The following CDH2 variants were observed in gnomAD, a reference collection of about 807,000 sequenced individuals.
CDH2 encodes cadherin 2, also known as cadherin-2.
Under a neutral mutation model 92.0 loss-of-function variants are expected in CDH2, and 17 were observed. The ratio of observed to expected loss-of-function variants is 0.18; its 90% CI spans 0.13 to 0.28. The LOEUF is 0.28. Among genes scored for constraint, CDH2 ranks in the 10% least tolerant of loss-of-function variants. The probability of loss-of-function intolerance (pLI) is 1.00; values close to 1 mark genes in which losing one functional copy is unlikely to be tolerated. For missense variants in CDH2, 862 were observed against 1,133.1 expected, an observed-to-expected ratio of 0.76 and a Z score of 3.44; for synonymous variants, 419 against 415.9, an observed-to-expected ratio of 1.01 and a Z score of -0.09.
chr18:28,176,660 C>T (rs1046789839), intron 1 of CDH2, among the ~76,000 whole-genome samples: 1 of 151,936 alleles, frequency 6.6e-6, no homozygotes, highest in Non-Finnish European at 1.5e-5. Flanking sequence ...CCTCCTGCTG[C>T]CTGGGGACAC....
intron 15 of CDH2, among the ~76,000 whole-genome samples, chr18:27,958,733 C>T (rs1351264267): frequency 6.6e-6 from 1 of 152,094 alleles, no homozygotes; most frequent in Admixed American, 6.5e-5. Flanking sequence ...TCCCATAATC[C>T]CCACAGGTTG....
chr18:28,138,869 C>T (rs780517853), intron 2 of CDH2, among the ~76,000 whole-genome samples: 27 of 152,062 alleles, frequency 1.8e-4, no homozygotes, highest in African/African-American at 4.8e-4. Context: ...CACTTTTTAA[C>T]GGTGAGAGCA....
intron 1 of CDH2, among the ~76,000 whole-genome samples, chr18:28,162,362 C>G (rs17536848): frequency 6.6e-6 from 1 of 152,064 alleles, no homozygotes; most frequent in Non-Finnish European, 1.5e-5. Context: ...GCCACATGTG[C>G]CCTTAGATTG....
At chr18:28,052,698 G>A (rs1162358709) in intron 2 of CDH2, among the ~76,000 whole-genome samples, 3 of 152,134 alleles carry the variant, frequency 2.0e-5, no homozygotes, top group African/African-American at 7.2e-5. Context: ...AGGCCATGAC[G>A]AAGTGGCCAG....
chr18:28,029,983 G>A (rs2013652160), intron 2 of CDH2, among the ~76,000 whole-genome samples: 1 of 152,068 alleles, frequency 6.6e-6, no homozygotes, highest in Non-Finnish European at 1.5e-5. Flanking sequence ...AGCATCCTGT[G>A]CACGTATTAT....
chr18:28,000,044 G>A (rs2012717257), intron 7 of CDH2, among the ~76,000 whole-genome samples: 1 of 152,082 alleles, frequency 6.6e-6, no homozygotes, highest in Admixed American at 6.6e-5. Context: ...ATGCGGAACT[G>A]TGAGCCAATT....
chr18:27,937,398 T>A (rs546447851), intron 6 of CDH2, among the ~76,000 whole-genome samples: 1 of 152,330 alleles, frequency 6.6e-6, no homozygotes, highest in South Asian at 2.1e-4. Flanking sequence ...CTTAGTTTAC[T>A]CACCGGTAAG....
rs1207183082 is a variant in CDH2, at chr18:28,053,599, A to G, written c.173-39690T>C. Among the ~76,000 whole-genome samples the G allele has an allele frequency of 4.6e-5, 7 of 152,330 alleles. No homozygotes were observed. In the South Asian group the frequency reaches 1.4e-3, roughly 32 times the overall value. ...CTGGAAGCAGCCAACTGATTCAAAT[A>G]ACCAATTAAGTCCTATACCTCACTT... On this transcript the variant is annotated intron_variant, in intron 2 of 15. Coordinates refer to ENST00000269141, the MANE Select transcript of CDH2 (RefSeq NM_001792.5).
intron 14 of CDH2, among the ~76,000 whole-genome samples, chr18:27,972,054 A>G (rs1232773387): frequency 6.6e-6 from 1 of 152,130 alleles, no homozygotes; most frequent in South Asian, 2.1e-4. Flanking sequence ...CTTGACTCAG[A>G]AAAGTGGCGG....
Position 28,176,906 on chromosome 18 carries a change from C to A in CDH2, c.60+57G>T, listed in dbSNP as rs866932700. On this transcript the variant is annotated intron_variant, in intron 1 of 15. Coordinates refer to ENST00000269141, the MANE Select transcript of CDH2 (RefSeq NM_001792.5). ...CGCAGCGGCGCGGGGAACAAAGGGA[C>A]CCGGCGCCGCCCGCCCCACCCCGCC... 2.4e-5 allele frequency: 26 copies of A among 1,069,160 alleles called. No homozygotes were observed. In the African/African-American group the frequency reaches 3.9e-4, roughly 16 times the overall value. The allele number at this position is 1,069,160 out of a possible 1,614,324, so 66.2% of individuals were successfully genotyped here.
At chr18:28,036,583 C>G (rs2013835570) in intron 2 of CDH2, 1 of 1,481,470 alleles carries the variant, frequency 6.8e-7, no homozygotes, top group African/African-American at 1.4e-5. Flanking sequence ...ATTCCTTCTG[C>G]TTAGTGAACA....
intron 2 of CDH2, among the ~76,000 whole-genome samples, chr18:28,070,180 C>T (rs1388600672): frequency 6.6e-6 from 1 of 152,144 alleles, no homozygotes; most frequent in East Asian, 1.9e-4. Flanking sequence ...TTATACCACC[C>T]TGTCTACATA....
intron 1 of CDH2, among the ~76,000 whole-genome samples, chr18:28,149,134 T>C (rs1397677023): frequency 1.3e-5 from 2 of 152,184 alleles, no homozygotes; most frequent in Admixed American, 1.3e-4. Context: ...CCTTGGCATA[T>C]ATTTTGGCAA....
intron 6 of CDH2, among the ~76,000 whole-genome samples, chr18:27,942,031 T>C (rs567607960): frequency 1.3e-5 from 2 of 152,172 alleles, no homozygotes; most frequent in Admixed American, 1.3e-4. Flanking sequence ...ATAAAACATA[T>C]TTAATGCTGC....
At chr18:27,956,262 C>T (rs922776433) in intron 15 of CDH2, among the ~76,000 whole-genome samples, 1 of 152,206 alleles carries the variant, frequency 6.6e-6, no homozygotes, top group African/African-American at 2.4e-5. Flanking sequence ...AAAGTATCCT[C>T]TTGTTCCACC....
In CDH2 at chr18:27,988,507, A is replaced by G. The variant is rs1325695516; in HGVS notation, c.1741+17T>C. ...TACTGTCTTTCATCAACATACAAGAAAAAACAGCGAACATACCATTGTCAG... is the reference window on the plus strand; with the variant it reads ...TACTGTCTTTCATCAACATACAAGAGAAAACAGCGAACATACCATTGTCAG... On this transcript the variant is annotated intron_variant, in intron 11 of 15. Coordinates refer to ENST00000269141, the MANE Select transcript of CDH2 (RefSeq NM_001792.5). The G allele has an allele frequency of 7.5e-6, 12 of 1,608,612 alleles. No homozygotes were observed. The Admixed American group carries it at 2.0e-4, about 27-fold the overall frequency.
At chr18:27,969,096 G>C (rs1031017265) in intron 14 of CDH2, among the ~76,000 whole-genome samples, 8 of 152,276 alleles carry the variant, frequency 5.3e-5, no homozygotes, top group Middle Eastern at 3.4e-3. Flanking sequence ...CGTTATGACG[G>C]TAACTATCTT....
chr18:28,172,076 GGTGTGTGTGT>G (rs34158369), intron 1 of CDH2, among the ~76,000 whole-genome samples: 5 of 146,572 alleles, frequency 3.4e-5, no homozygotes, highest in African/African-American at 7.5e-5. Flanking sequence ...ATACATTTGG[GGTGTGTGTGT>G]GTGTGTGTGT....
chr18:28,089,737 G>T (rs1176174495), intron 2 of CDH2, among the ~76,000 whole-genome samples: 1 of 152,150 alleles, frequency 6.6e-6, no homozygotes, highest in Non-Finnish European at 1.5e-5. Flanking sequence ...AGTAAGGTTA[G>T]CCAAATTCAT....
Sources: allele counts gnomAD v4.1 joint callset (sites outside exome capture counted in the v4.1 genomes callset), GRCh38; gene constraint gnomAD v4.1.1; transcripts MANE v1.5; gene names NCBI Gene and HGNC (gene_info 2026-07-23, HGNC 2026-07-21).